The following CPS1 variants were observed in gnomAD, a reference collection of about 807,000 sequenced individuals.
CPS1 encodes the protein carbamoyl-phosphate synthase [ammonia], mitochondrial.
Under a neutral mutation model 174.6 loss-of-function variants are expected in CPS1, and 109 were observed. The ratio of observed to expected loss-of-function variants is 0.62; its 90% CI spans 0.53 to 0.73. The LOEUF (loss-of-function observed/expected upper bound fraction) is 0.73. Among genes scored for constraint, CPS1 ranks in the 30% least tolerant of loss-of-function variants. The pLI is 0.00. For missense variants in CPS1, 1,689 were observed against 1,821.9 expected, an observed-to-expected ratio of 0.93 and a Z score of 1.33; for synonymous variants, 637 against 632.0, an observed-to-expected ratio of 1.01 and a Z score of -0.12.
At chr2:210,591,038 AT>A in intron 9 of CPS1, 132 bp downstream of exon 9, 1 of 260,020 alleles carries the variant, frequency 3.8e-6, no homozygotes. Flanking sequence ...TTAAAGTATA[AT>A]AAAAATAAAT....
chr2:210,640,760 A>G (rs561008552), intron 24 of CPS1, among the ~76,000 whole-genome samples: 5 of 152,324 alleles, frequency 3.3e-5, no homozygotes, highest in Admixed American at 1.3e-4. Context: ...TACTTTAAGC[A>G]TAGTTTATTT....
chr2:210,502,295 C>T (rs567694454), intron 1 of CPS1, among the ~76,000 whole-genome samples: 18 of 151,546 alleles, frequency 1.2e-4, no homozygotes, highest in African/African-American at 4.4e-4. Context: ...CAATATCTTG[C>T]TATTTCCAAG....
chr2:210,512,795 G>T (rs150644085), intron 1 of CPS1, among the ~76,000 whole-genome samples: 3,980 of 74,504 alleles, frequency 0.053, 164 homozygotes, highest in African/African-American at 0.083. Flanking sequence ...TGGAGAGAGA[G>T]ATATATATAT....
At chr2:210,600,979 C>G (rs1276640211) in intron 15 of CPS1, among the ~76,000 whole-genome samples, 1 of 151,914 alleles carries the variant, frequency 6.6e-6, no homozygotes, top group East Asian at 1.9e-4. Flanking sequence ...AATCTCAGAT[C>G]TCCTGAACTG....
At chr2:210,554,979 A>G (rs1696861898), upstream of CPS1, among the ~76,000 whole-genome samples, 1 of 151,564 alleles carries the variant, frequency 6.6e-6, no homozygotes, top group African/African-American at 2.4e-5. Context: ...TGCTATTTTC[A>G]TTCTCCTCCA....
chr2:210,555,558 A>G (rs957709171), upstream of CPS1: 1 of 449,390 alleles, frequency 2.2e-6, no homozygotes, highest in Non-Finnish European at 4.5e-6. Flanking sequence ...CTCTTTAAAA[A>G]AATCCTTACC....
intron 1 of CPS1, among the ~76,000 whole-genome samples, chr2:210,497,949 GC>G (rs1423238696): frequency 7.4e-6 from 1 of 136,034 alleles, no homozygotes; most frequent in Non-Finnish European, 1.6e-5. Context: ...GGGTTGCTGG[GC>G]TGAATGGTAG....
upstream of CPS1, among the ~76,000 whole-genome samples, chr2:210,554,141 A>G (rs532082125): frequency 1.4e-5 from 2 of 138,846 alleles, no homozygotes; most frequent in African/African-American, 5.1e-5. Flanking sequence ...ATACATATAT[A>G]TATGTATATA....
intron 34 of CPS1, chr2:210,673,736 T>G (rs1428886867): frequency 6.6e-6 from 1 of 152,222 alleles, no homozygotes; most frequent in African/African-American, 2.4e-5. Context: ...ATTATAGTAG[T>G]AACACTTAAG....
At position 210,592,890 on chromosome 2, in the gene CPS1, T is replaced by G. The variant is rs1363275376; in HGVS notation, c.1098T>G (p.His366Gln). 6.2e-7 allele frequency: 1 copy of G among 1,612,356 alleles called. No homozygotes were observed. The highest frequency in any genetic ancestry group is 2.2e-5 in the East Asian group (1 of 44,776). The change falls in exon 11 of 38, where the codon CAT (histidine) becomes CAG (glutamine). Residue 366 changes from histidine to glutamine, a missense_variant. His to Gln is a conservative substitution (Grantham distance 24, BLOSUM62 0). Transcript: ENST00000233072. ...TCTTATTCCTTTAGGGGATTATGCATGAGAGCAAACCCTTCTTCGCTGTGC... is the reference window on the plus strand; with the variant it reads ...TCTTATTCCTTTAGGGGATTATGCAGGAGAGCAAACCCTTCTTCGCTGTGC... ...VNDQTNEGIMHESKPFFAVQF... is the reference protein window; with the variant it reads ...VNDQTNEGIMQESKPFFAVQF...
intron 1 of CPS1, among the ~76,000 whole-genome samples, chr2:210,497,893 C>CATAGATAT (rs373767668): frequency 1.2e-5 from 1 of 86,940 alleles, no homozygotes; most frequent in East Asian, 3.3e-4. Context: ...TATATACATA[C>CATAGATAT]ATATATATAT....
chr2:210,494,526 A>G (rs1226476023), intron 1 of CPS1, among the ~76,000 whole-genome samples: 1 of 152,132 alleles, frequency 6.6e-6, no homozygotes, highest in Non-Finnish European at 1.5e-5. Context: ...CTCTACATAG[A>G]CCCTAAACGG....
In CPS1 at chr2:210,608,409, T is replaced by G; in HGVS notation, c.2241T>G (p.Leu747=). 2 of 1,612,436 alleles carry G rather than the reference T, an allele frequency of 1.2e-6. No homozygotes were observed. The highest frequency in any genetic ancestry group is 1.7e-6 in the Non-Finnish European group (2 of 1,178,936). The change falls in exon 19 of 38, where the codon CTT becomes CTG. Residue 747 remains leucine, a synonymous_variant. Coordinates refer to ENST00000233072, the MANE Select transcript of CPS1 (RefSeq NM_001875.5). ...IAAKIALGIP[L]PEIKNVVSGK... Reference sequence around the variant, plus strand: ...CAAAGATTGCCCTAGGAATCCCACTTCCAGAAATTAAGAACGTCGTATCCG... The same window carrying G: ...CAAAGATTGCCCTAGGAATCCCACTGCCAGAAATTAAGAACGTCGTATCCG...
At chr2:210,603,750 G>T (rs564981883) in intron 16 of CPS1, among the ~76,000 whole-genome samples, 35 of 151,356 alleles carry the variant, frequency 2.3e-4, no homozygotes, top group South Asian at 6.3e-4. Flanking sequence ...CCCTTAAATG[G>T]TTTTTCTTGT....
chr2:210,562,369 T>C (rs1306288291), intron 1 of CPS1, among the ~76,000 whole-genome samples: 2 of 152,220 alleles, frequency 1.3e-5, no homozygotes, highest in African/African-American at 4.8e-5. Flanking sequence ...AATTGATTAC[T>C]GCTGTTACAG....
At position 210,663,150 on chromosome 2, in the gene CPS1, A is replaced by G. The variant is rs779756304; in HGVS notation, c.3955A>G (p.Arg1319Gly). ...TCCCATGTTTTCCTGGCCCCGGTTG[A>G]GGGATGCTGACCCCATTCTGAGATG... ...KAPMFSWPRL[R>G]DADPILRCEM... The change falls in exon 33 of 38, where the codon AGG becomes GGG. Residue 1319 changes from arginine (R) to glycine (G), a missense_variant. Physicochemically the swap from Arg to Gly is moderately radical, Grantham distance 125 (BLOSUM62 -2). Transcript: ENST00000233072. 2.5e-6 allele frequency: 4 copies of G among 1,612,568 alleles called. No individual in the cohort carries two copies. The highest frequency in any genetic ancestry group is 3.4e-6 in the Non-Finnish European group (4 of 1,179,744).
intron 5 of CPS1, among the ~76,000 whole-genome samples, chr2:210,581,215 GA>G (rs1162895949): frequency 2.0e-5 from 3 of 152,118 alleles, no homozygotes; most frequent in Non-Finnish European, 2.9e-5. Context: ...ATACAGTTGG[GA>G]AAATCAATTC....
rs1700885994 is a variant in CPS1 at position 210,660,604 on chromosome 2, T to A, written c.3876T>A (p.His1292Gln). The change falls in exon 32 of 38, where the codon CAT becomes CAA. Residue 1292 changes from histidine (H) to glutamine (Q), a missense_variant. By Grantham distance (24) the His-to-Gln change is conservative (BLOSUM62 0). Transcript: ENST00000233072. The stretch of plus-strand genomic sequence containing the variant: ...TTGGAGAGAATGTTGATGAGAAACA[T>A]CTTCCAACATTGGACCATCCCATAA... ...VMIGENVDEKHLPTLDHPIIP... is the reference protein window; with the variant it reads ...VMIGENVDEKQLPTLDHPIIP... 6.2e-7 allele frequency: 1 copy of A among 1,614,152 alleles called. No individual in the cohort carries two copies. Among genetic ancestry groups the A allele is most frequent in the Non-Finnish European group, 8.5e-7 (1 of 1,179,988 alleles).
At chr2:210,573,204 C>G in intron 1 of CPS1, 94 bp from the exon 2 acceptor site, 1 of 1,094,552 alleles carries the variant, frequency 9.1e-7, no homozygotes, top group Non-Finnish European at 1.4e-6. Flanking sequence ...TATACTGTGC[C>G]TTTATTTAAT....
Sources: gnomAD v4.1 joint callset for allele counts (sites outside exome capture counted in the v4.1 genomes callset) on GRCh38, gnomAD v4.1.1 for gene constraint, MANE v1.5 for transcripts, NCBI Gene and HGNC (gene_info 2026-07-23, HGNC 2026-07-21) for gene names.